Variants in LRMDA observed in about 807,000 individuals in gnomAD.
The protein encoded by LRMDA is leucine-rich melanocyte differentiation-associated protein.
In LRMDA, 18 loss-of-function variants were observed where a neutral mutation model predicts 29.8. The observed-to-expected ratio is 0.60, with a 90% CI of 0.42 to 0.90. The LOEUF is 0.90. LRMDA is among the 40% of genes least tolerant of loss of function. The pLI, the probability that LRMDA is intolerant of heterozygous loss-of-function variation, is 0.00. For synonymous variants in LRMDA, 125 were observed against 109.4 expected, an observed-to-expected ratio of 1.14 and a Z score of -0.89; for missense variants, 273 against 273.9, an observed-to-expected ratio of 1.00 and a Z score of 0.02.
intron 2 of LRMDA, among the ~76,000 whole-genome samples, chr10:75,902,756 C>CT (rs1390818080): frequency 6.6e-6 from 1 of 151,992 alleles, no homozygotes; most frequent in East Asian, 1.9e-4. Context: ...GAGTGCTGTT[C>CT]TTTTCTTCTT....
At chr10:75,645,123 C>T (rs1422564858) in intron 2 of LRMDA, among the ~76,000 whole-genome samples, 1 of 151,922 alleles carries the variant, frequency 6.6e-6, no homozygotes, top group East Asian at 1.9e-4. Flanking sequence ...GCTGGGACTA[C>T]AGATGTGCAC....
chr10:76,420,578 T>G (rs910822766), intron 6 of LRMDA, among the ~76,000 whole-genome samples: 4 of 152,050 alleles, frequency 2.6e-5, no homozygotes, highest in African/African-American at 9.7e-5. Context: ...GTTTGTTGGT[T>G]TTATTTTCTG....
chr10:75,807,353 G>T (rs1020005175), intron 2 of LRMDA, among the ~76,000 whole-genome samples: 2 of 152,220 alleles, frequency 1.3e-5, no homozygotes, highest in African/African-American at 2.4e-5. Flanking sequence ...GGCCTGGGCA[G>T]CCTGAGGCCT....
At chr10:76,028,818 C>CTTTT (rs1237211316) in intron 2 of LRMDA, among the ~76,000 whole-genome samples, 2 of 131,062 alleles carry the variant, frequency 1.5e-5, no homozygotes, top group African/African-American at 2.8e-5. Flanking sequence ...TATTCAAAGC[C>CTTTT]TTTTTTTTTT....
intron 2 of LRMDA, among the ~76,000 whole-genome samples, chr10:75,641,107 T>C (rs1841447889): frequency 6.6e-6 from 1 of 152,210 alleles, no homozygotes; most frequent in Non-Finnish European, 1.5e-5. Context: ...CTCTGTGAAC[T>C]TGAGCTCTGT....
chr10:76,466,326 A>G (rs1046961047), intron 6 of LRMDA, among the ~76,000 whole-genome samples: 4 of 152,108 alleles, frequency 2.6e-5, no homozygotes, highest in Non-Finnish European at 5.9e-5. Flanking sequence ...AGCATGGGAT[A>G]AATGGAGAGG....
At chr10:76,295,336 G>A (rs1163869459) in intron 5 of LRMDA, among the ~76,000 whole-genome samples, 2 of 152,230 alleles carry the variant, frequency 1.3e-5, no homozygotes, top group Non-Finnish European at 2.9e-5. Context: ...TGTGTGGGAA[G>A]CTGGACAGGT....
chr10:76,198,292 T>C (rs1357170180), intron 5 of LRMDA, among the ~76,000 whole-genome samples: 2 of 152,144 alleles, frequency 1.3e-5, no homozygotes, highest in Non-Finnish European at 2.9e-5. Context: ...GGGTCTAGGG[T>C]GGAGGAAGAC....
intron 6 of LRMDA, among the ~76,000 whole-genome samples, chr10:76,409,341 A>G (rs1041669624): frequency 5.9e-5 from 9 of 152,224 alleles, no homozygotes; most frequent in African/African-American, 1.4e-4. Context: ...GGAGTTATTT[A>G]TATCCTACTA....
At chr10:76,555,327 A>C (rs780200853) in intron 6 of LRMDA, among the ~76,000 whole-genome samples, 2 of 152,224 alleles carry the variant, frequency 1.3e-5, no homozygotes, top group Non-Finnish European at 2.9e-5. Flanking sequence ...GTTCCATCCA[A>C]GCTCAAAGTT....
intron 2 of LRMDA, among the ~76,000 whole-genome samples, chr10:75,779,400 C>T (rs1589197563): frequency 6.6e-6 from 1 of 152,118 alleles, no homozygotes; most frequent in Admixed American, 6.5e-5. Context: ...AAACAAGAAA[C>T]CTCCCAAAGT....
chr10:76,022,707 C>G (rs1847995077), intron 2 of LRMDA, among the ~76,000 whole-genome samples: 1 of 152,122 alleles, frequency 6.6e-6, no homozygotes, highest in Non-Finnish European at 1.5e-5. Flanking sequence ...TCCACCAGCT[C>G]CATGTGGGCT....
intron 2 of LRMDA, among the ~76,000 whole-genome samples, chr10:75,546,540 C>T (rs1449757734): frequency 2.0e-5 from 3 of 152,048 alleles, no homozygotes; most frequent in Non-Finnish European, 2.9e-5. Flanking sequence ...GCAGTTTTTC[C>T]TTTTTATCTG....
chr10:76,053,239 A>C (rs1848559158), intron 4 of LRMDA, among the ~76,000 whole-genome samples: 2 of 152,126 alleles, frequency 1.3e-5, no homozygotes, highest in Admixed American at 1.3e-4. Flanking sequence ...TTGAACCATC[A>C]ATAGCTCGTG....
chr10:76,234,231 T>G (rs1036063683), intron 5 of LRMDA, among the ~76,000 whole-genome samples: 2 of 152,212 alleles, frequency 1.3e-5, no homozygotes, highest in African/African-American at 4.8e-5. Flanking sequence ...CCAGGTATAT[T>G]GTCAATGAGC....
intron 2 of LRMDA, among the ~76,000 whole-genome samples, chr10:75,728,426 C>CTGTG (rs34902461): frequency 0.049 from 6,828 of 138,196 alleles, 203 homozygotes; most frequent in African/African-American, 0.059. Context: ...ATACGTGGCT[C>CTGTG]TGTGTGTGTG....
chr10:75,953,963 G>A (rs1846621660), intron 2 of LRMDA, among the ~76,000 whole-genome samples: 1 of 152,172 alleles, frequency 6.6e-6, no homozygotes, highest in African/African-American at 2.4e-5. Flanking sequence ...TTCTTCACCT[G>A]GTTGAAGCAG....
intron 2 of LRMDA, among the ~76,000 whole-genome samples, chr10:76,025,429 C>T (rs1236996551): frequency 6.6e-6 from 1 of 151,652 alleles, no homozygotes; most frequent in African/African-American, 2.4e-5. Flanking sequence ...ACTTCCAGAG[C>T]TCATCTTATC....
chr10:75,604,179 A>C lies in LRMDA; in HGVS notation c.131+165685A>C, dbSNP rs141245767. ...TTTGCAATTTGGATTTTATAAGATCAAGCCCATTTCCAAGAAGAAGGAGGT... is the reference window on the plus strand; with the variant it reads ...TTTGCAATTTGGATTTTATAAGATCCAGCCCATTTCCAAGAAGAAGGAGGT... On this transcript the variant is annotated intron_variant, in intron 2 of 6. Coordinates refer to ENST00000611255, the MANE Select transcript of LRMDA (RefSeq NM_001305581.2). Among the ~76,000 whole-genome samples the C allele has an allele frequency of 1.4e-3, 206 of 152,264 alleles. 1 individual carries two copies. The highest frequency in any genetic ancestry group is 4.4e-3 in the African/African-American group (183 of 41,548).
Sources: gnomAD v4.1 joint callset for allele counts (sites outside exome capture counted in the v4.1 genomes callset) on GRCh38, gnomAD v4.1.1 for gene constraint, MANE v1.5 for transcripts, NCBI Gene and HGNC (gene_info 2026-07-23, HGNC 2026-07-21) for gene names.